Variants in CLIC5 observed in about 807,000 individuals in gnomAD.
CLIC5 encodes the protein chloride intracellular channel protein 5.
CLIC5 carries 20 observed loss-of-function variants against 24.7 expected under a neutral mutation model. The ratio of observed to expected loss-of-function variants is 0.81; its 90% CI spans 0.57 to 1.18. CLIC5 has a LOEUF of 1.18. Ranked by LOEUF, CLIC5 falls within the 50% of genes most tolerant of loss-of-function variation. The pLI is 0.00. For synonymous variants in CLIC5, 159 were observed against 135.6 expected (o/e 1.17, Z -1.20); for missense variants, 341 against 326.1 (o/e 1.05, Z -0.35).
chr6:45,927,879 C>T (rs930452616), intron 4 of CLIC5, among the ~76,000 whole-genome samples: 7 of 152,032 alleles, frequency 4.6e-5, no homozygotes, highest in Admixed American at 6.6e-5. Flanking sequence ...TACAGGGGTC[C>T]CTTCCAACTA....
chr6:46,108,205 C>T, the CLIC5 span, among the ~76,000 whole-genome samples: 3 of 151,850 alleles, frequency 2.0e-5, no homozygotes, highest in Non-Finnish European at 2.9e-5. Flanking sequence ...TTATTGTTAG[C>T]ATTAATAATA....
intron 4 of CLIC5, among the ~76,000 whole-genome samples, chr6:45,926,652 A>G (rs1049880667): frequency 2.0e-5 from 3 of 152,186 alleles, no homozygotes; most frequent in Non-Finnish European, 2.9e-5. Flanking sequence ...GCTAGCTGAA[A>G]AAAGTCTAGA....
intron 1 of CLIC5, among the ~76,000 whole-genome samples, chr6:45,978,818 C>A (rs1765471840): frequency 6.6e-6 from 1 of 152,052 alleles, no homozygotes; most frequent in Non-Finnish European, 1.5e-5. Flanking sequence ...GGCATGGTGG[C>A]ACATGCCTTT....
upstream of CLIC5, among the ~76,000 whole-genome samples, chr6:46,019,392 C>A (rs1767109790): frequency 6.6e-6 from 1 of 152,132 alleles, no homozygotes; most frequent in Non-Finnish European, 1.5e-5. Context: ...AAACACTAAT[C>A]AAAAGAAAGC....
At chr6:46,089,534 T>C in the CLIC5 span, among the ~76,000 whole-genome samples, 1 of 152,152 alleles carries the variant, frequency 6.6e-6, no homozygotes, top group Non-Finnish European at 1.5e-5. Flanking sequence ...CCTGCCTGGA[T>C]ACTCACACCT....
chr6:45,941,632 T>C lies in CLIC5; in HGVS notation c.321A>G (p.Lys107=). ...TGCCCGCTGTGTTGGATTCCCGGTG[T>C]TTTGCAGCCAGTTTGGGGTACCTGG... The part of the protein sequence containing the change: ...TPEKYPKLAA[K]HRESNTAGID... Residue 107 remains lysine (K), a synonymous_variant, in exon 4 of 6, where the codon AAA becomes AAG. Coordinates refer to ENST00000339561, the MANE Select transcript of CLIC5 (RefSeq NM_016929.5). 1.2e-6 allele frequency: 2 copies of C among 1,613,930 alleles called. No individual in the cohort carries two copies. The highest frequency in any genetic ancestry group is 1.7e-6 in the Non-Finnish European group (2 of 1,179,950).
chr6:46,015,966 C>T, upstream of CLIC5: 4 of 904,862 alleles, frequency 4.4e-6, no homozygotes, highest in Non-Finnish European at 4.0e-6. Context: ...CTGGGCCGGG[C>T]CACGGCCCCC....
At chr6:45,998,430 G>A (rs1766230848) in intron 1 of CLIC5, among the ~76,000 whole-genome samples, 1 of 152,146 alleles carries the variant, frequency 6.6e-6, no homozygotes, top group African/African-American at 2.4e-5. Flanking sequence ...AGTGAGAGGA[G>A]GCGTAGTGGT....
intron 1 of CLIC5, among the ~76,000 whole-genome samples, chr6:46,062,574 T>A (rs1417605060): frequency 1.3e-5 from 2 of 152,194 alleles, no homozygotes; most frequent in Non-Finnish European, 2.9e-5. Flanking sequence ...AAGTGGGACA[T>A]GCCTTCGAGC....
At position 46,036,352 on chromosome 6, in the gene CLIC5, C is replaced by T. The variant is rs555309872; in HGVS notation, c.540+43351G>A. ...TGAGACGGAGTCTCATTCTGCCGCC[C>T]AGGCTGGAGTGCAGTTGGCGCGGTC... On this transcript the variant is annotated intron_variant, in intron 1 of 5. Coordinates refer to the CLIC5 transcript ENST00000185206. Among the ~76,000 whole-genome samples, 441 of 135,272 alleles carry T rather than the reference C, an allele frequency of 3.3e-3. 1 individual carries two copies. The highest frequency in any genetic ancestry group is 5.0e-3 in the Non-Finnish European group (319 of 64,336). The allele number at this position is 135,272 out of a possible 152,430, so 88.7% of individuals were successfully genotyped here. A position where few individuals can be genotyped will look rare whatever the true frequency, so the allele number is the denominator to read the frequency against.
intron 1 of CLIC5, among the ~76,000 whole-genome samples, chr6:46,005,636 C>T (rs1005780220): frequency 3.2e-4 from 48 of 152,242 alleles, no homozygotes; most frequent in Admixed American, 2.0e-3. Context: ...TGTGTCCCCC[C>T]AGAATTCCTA....
chr6:46,009,903 C>T (rs1430665232), intron 1 of CLIC5, among the ~76,000 whole-genome samples: 1 of 152,174 alleles, frequency 6.6e-6, no homozygotes, highest in Admixed American at 6.5e-5. Flanking sequence ...CAGGGATCTG[C>T]AGTTACCCTG....
At chr6:46,069,037 T>C (rs1375189939) in intron 1 of CLIC5, among the ~76,000 whole-genome samples, 1 of 151,994 alleles carries the variant, frequency 6.6e-6, no homozygotes, top group Non-Finnish European at 1.5e-5. Flanking sequence ...CCTGAAAAGG[T>C]GACTTCTAGG....
intron 1 of CLIC5, among the ~76,000 whole-genome samples, chr6:46,066,598 C>G (rs1467130457): frequency 6.6e-6 from 1 of 152,102 alleles, no homozygotes; most frequent in Non-Finnish European, 1.5e-5. Context: ...GACTATGGAC[C>G]AGACTTTGTG....
chr6:46,115,750 T>C, the CLIC5 span, among the ~76,000 whole-genome samples: 1 of 152,204 alleles, frequency 6.6e-6, no homozygotes, highest in Non-Finnish European at 1.5e-5. Context: ...GTTTCTGTAA[T>C]CTGCAGGAAA....
chr6:45,930,912 T>A (rs890453059), intron 4 of CLIC5, among the ~76,000 whole-genome samples: 1 of 152,236 alleles, frequency 6.6e-6, no homozygotes, highest in African/African-American at 2.4e-5. Context: ...CTTGCTATTG[T>A]AGCCACGGAC....
intron 6 of CLIC5, among the ~76,000 whole-genome samples, chr6:45,885,034 TC>T (rs1265892103): frequency 7.0e-5 from 9 of 127,836 alleles, no homozygotes; most frequent in African/African-American, 1.7e-4. Context: ...AGTTGAGAGA[TC>T]TAATTGAGAG....
chr6:45,886,852 A>T lies in CLIC5; in HGVS notation c.624-5664T>A, dbSNP rs1296103463. 2.6e-5 allele frequency among the ~76,000 whole-genome samples: 4 copies of T among 152,126 alleles called. No individual in the cohort carries two copies. In the East Asian group the frequency reaches 7.7e-4, roughly 29 times the overall value. On this transcript the variant is annotated intron_variant, in intron 6 of 6. Coordinates refer to the CLIC5 transcript ENST00000644324. ...AACACAGGATTGGGAAGTGCTGGGA[A>T]TGTGGAGGATTGTGTGCAAAACAAT...
At chr6:45,888,454 A>C (rs575623907) in intron 6 of CLIC5, among the ~76,000 whole-genome samples, 2 of 152,276 alleles carry the variant, frequency 1.3e-5, no homozygotes, top group African/African-American at 2.4e-5. Context: ...AATTCATGAA[A>C]ATTTATGCTT....
Sources: allele counts gnomAD v4.1 joint callset (sites outside exome capture counted in the v4.1 genomes callset), GRCh38; gene constraint gnomAD v4.1.1; transcripts MANE v1.5; gene names NCBI Gene and HGNC (gene_info 2026-07-23, HGNC 2026-07-21).